The following PER2 variants were observed in gnomAD, a reference collection of about 807,000 sequenced individuals.
PER2 encodes period circadian protein homolog 2.
A neutral mutation model predicts 121.0 loss-of-function variants in PER2; 66 were observed. The ratio of observed to expected loss-of-function variants is 0.55; its 90% CI spans 0.45 to 0.67. The LOEUF (loss-of-function observed/expected upper bound fraction) is 0.67. Ranked by LOEUF, PER2 falls within the 30% of genes least tolerant of loss-of-function variation. The pLI, the probability that PER2 is intolerant of heterozygous loss-of-function variation, is 0.00. For missense variants in PER2, 1,521 were observed against 1,635.0 expected (o/e 0.93, Z 1.20); for synonymous variants, 684 against 659.9 (o/e 1.04, Z -0.56).
At chr2:238,292,178 A>G (rs112345360), upstream of PER2, among the ~76,000 whole-genome samples, 9 of 152,338 alleles carry the variant, frequency 5.9e-5, no homozygotes, top group African/African-American at 1.4e-4. Context: ...AAAAAAGAAG[A>G]AGGCATCTTT....
chr2:238,273,793 T>G (rs35847701), intron 4 of PER2, among the ~76,000 whole-genome samples: 14,132 of 152,138 alleles, frequency 0.093, 713 homozygotes, highest in South Asian at 0.13. Context: ...TCAGCCTTCC[T>G]AGTAGCTGGG....
chr2:238,248,198 G>A (rs1035130363), intron 22 of PER2, among the ~76,000 whole-genome samples: 1 of 152,238 alleles, frequency 6.6e-6, no homozygotes, highest in Non-Finnish European at 1.5e-5. Context: ...ACCAAGGGCA[G>A]CAAGAGCTCC....
Position 238,273,152 on chromosome 2 carries a change from C to A in PER2, c.488G>T (p.Gly163Val). Reference sequence around the variant, plus strand: ...GGGCACGTCTGCTCCACAGGGGTGACCCTCGCTGGACATCAGCAGCTGGTA... The same window carrying A: ...GGGCACGTCTGCTCCACAGGGGTGAACCTCGCTGGACATCAGCAGCTGGTA... Reference protein sequence around the residue: ...EYYQLLMSSEGHPCGADVPSY... With the variant: ...EYYQLLMSSEVHPCGADVPSY... The change falls in exon 5 of 23, where the codon GGT (glycine) becomes GTT (valine). Residue 163 changes from glycine to valine, a missense_variant. By Grantham distance (109) the Gly-to-Val change is moderately radical (BLOSUM62 -3). Coordinates refer to ENST00000254657, the MANE Select transcript of PER2 (RefSeq NM_022817.3). 6.2e-7 allele frequency: 1 copy of A among 1,613,962 alleles called. No homozygotes were observed. Among genetic ancestry groups the A allele is most frequent in the Non-Finnish European group, 8.5e-7 (1 of 1,179,884 alleles).
In PER2 at chr2:238,257,098, G is replaced by T. The variant is rs1213319773; in HGVS notation, c.1901-12C>A. On this transcript the variant is annotated splice_polypyrimidine_tract_variant and intron_variant, in intron 16 of 22. Coordinates refer to ENST00000254657, the MANE Select transcript of PER2 (RefSeq NM_022817.3). ...GGGCGGCTCTGCCTCTTCATGAGAG[G>T]AAGGGGGAACAAACATTAGTGTGTC... 1.2e-6 allele frequency: 2 copies of T among 1,609,450 alleles called. No individual in the cohort carries two copies. Among genetic ancestry groups the T allele is most frequent in the Non-Finnish European group, 8.5e-7 (1 of 1,179,594 alleles).
At chr2:238,255,563 C>A in intron 18 of PER2, 94 bp downstream of exon 18, 1 of 1,261,486 alleles carries the variant, frequency 7.9e-7, no homozygotes, top group Non-Finnish European at 1.2e-6. Context: ...GCTTCTGAAA[C>A]TGGACACATT....
chr2:238,262,814 C>T (rs931257725), intron 10 of PER2, 138 bp downstream of exon 10: 8 of 696,486 alleles, frequency 1.1e-5, no homozygotes, highest in Non-Finnish European at 1.8e-5. Flanking sequence ...AGGAGGGAGG[C>T]GGCGAGGCGG....
intron 15 of PER2, 23 bp downstream of exon 15, chr2:238,258,474 C>T: frequency 1.2e-6 from 2 of 1,613,890 alleles, no homozygotes; most frequent in Non-Finnish European, 1.7e-6. Context: ...ATGGTGGAGA[C>T]TCGGCTGGAA....
At chr2:238,248,711 A>G (rs1695512977) in intron 22 of PER2, among the ~76,000 whole-genome samples, 1 of 147,830 alleles carries the variant, frequency 6.8e-6, no homozygotes, top group Non-Finnish European at 1.5e-5. Flanking sequence ...GCTGGAGTGC[A>G]GTGGTGCCAT....
At chr2:238,286,283 G>A (rs1460717659) in intron 1 of PER2, among the ~76,000 whole-genome samples, 2 of 152,142 alleles carry the variant, frequency 1.3e-5, no homozygotes, top group African/African-American at 4.8e-5. Context: ...CCCAGGAAGA[G>A]CACGAGGAAC....
At chr2:238,298,038 T>C in the PER2 span, among the ~76,000 whole-genome samples, 124 of 150,336 alleles carry the variant, frequency 8.2e-4, no homozygotes, top group Middle Eastern at 3.4e-3. Context: ...GTTCTTTTTT[T>C]TTTTTTTTTT....
the PER2 span, chr2:238,298,618 C>A: frequency 1.3e-5 from 2 of 152,154 alleles, no homozygotes; most frequent in African/African-American, 2.4e-5. Context: ...CACACGAGGC[C>A]CACAAAGCCT....
intron 21 of PER2, 43 bp downstream of exon 21, chr2:238,250,508 C>A (rs761827002): frequency 2.1e-6 from 3 of 1,430,210 alleles, no homozygotes; most frequent in Non-Finnish European, 2.9e-6. Context: ...AGCTCCTGAA[C>A]CCCATCCCTC....
intron 21 of PER2, among the ~76,000 whole-genome samples, chr2:238,249,686 GTGTTGA>G (rs1695546981): frequency 6.6e-6 from 1 of 152,274 alleles, no homozygotes; most frequent in African/African-American, 2.4e-5. Flanking sequence ...TAATACCCAT[GTGTTGA>G]GGGAAGGACC....
Position 238,258,281 on chromosome 2 carries a change from G to T in PER2, c.1895C>A (p.Ala632Asp), listed in dbSNP as rs1231260581. 3.7e-6 allele frequency: 6 copies of T among 1,614,178 alleles called. No homozygotes were observed. The highest frequency in any genetic ancestry group is 3.4e-6 in the Non-Finnish European group (4 of 1,180,016). Residue 632 changes from alanine (A) to aspartate (D), a missense_variant, in exon 16 of 23, where the codon GCT becomes GAT. Physicochemically the swap from Ala to Asp is moderately radical, Grantham distance 126. Coordinates refer to ENST00000254657, the MANE Select transcript of PER2 (RefSeq NM_022817.3). ...GCTCTACACAGATTAGATACCTCCA[G>T]CGTGTGGCCCTGGGCTGACTGTGGC... Reference protein sequence around the residue: ...RKATVSPGPHAGEAEPPSRVN... With the variant: ...RKATVSPGPHDGEAEPPSRVN...
chr2:238,293,183 G>A (rs747751791), upstream of PER2, among the ~76,000 whole-genome samples: 20 of 151,258 alleles, frequency 1.3e-4, no homozygotes, highest in African/African-American at 4.6e-4. Context: ...CCATAGCTTT[G>A]TCTCTGCTAT....
intron 6 of PER2, 63 bp from the exon 7 acceptor site, chr2:238,269,037 C>A: frequency 7.9e-7 from 1 of 1,271,048 alleles, no homozygotes; most frequent in Non-Finnish European, 1.2e-6. Context: ...TTCCTCATTT[C>A]TCACAAACAA....
chr2:238,253,587 T>C lies in PER2; in HGVS notation c.2436A>G (p.Gly812=), dbSNP rs965699654. 1 of 1,609,960 alleles carries C rather than the reference T, an allele frequency of 6.2e-7. No homozygotes were observed. The highest frequency in any genetic ancestry group is 1.3e-5 in the African/African-American group (1 of 74,916). ...VKPRDSSEST[G]SGGPVSARPP... Reference sequence around the variant, plus strand: ...GCCGGGCGGACACGGGCCCCCCAGATCCGGTGCTCTCAGATGAGTCTCGAG... The same window carrying C: ...GCCGGGCGGACACGGGCCCCCCAGACCCGGTGCTCTCAGATGAGTCTCGAG... Residue 812 remains glycine, a synonymous_variant, in exon 19 of 23, where the codon GGA becomes GGG. Coordinates refer to ENST00000254657, the MANE Select transcript of PER2 (RefSeq NM_022817.3). The surrounding 1 kb of genome is among the most constrained non-coding windows in gnomAD (Gnocchi z 5.6).
At chr2:238,280,283 G>C (rs1010177239) in intron 1 of PER2, among the ~76,000 whole-genome samples, 5 of 152,244 alleles carry the variant, frequency 3.3e-5, no homozygotes, top group African/African-American at 1.2e-4. Context: ...CTCCAGGACA[G>C]CCTGGTGAGA....
chr2:238,249,226 T>G lies in PER2; in HGVS notation c.3468-14A>C. On this transcript the variant is annotated splice_polypyrimidine_tract_variant and intron_variant, in intron 21 of 22. Coordinates refer to ENST00000254657, the MANE Select transcript of PER2 (RefSeq NM_022817.3). The stretch of plus-strand genomic sequence containing the variant: ...GCTTCTAAATTTCTTCGCAAGATAT[T>G]TAGAAATCGGTAAGCTTTCAAATGT... 6.2e-7 allele frequency: 1 copy of G among 1,612,152 alleles called. No individual in the cohort carries two copies. Among genetic ancestry groups the G allele is most frequent in the Non-Finnish European group, 8.5e-7 (1 of 1,178,530 alleles).
Sources: gnomAD v4.1 joint callset for allele counts (sites outside exome capture counted in the v4.1 genomes callset) on GRCh38, gnomAD v4.1.1 for gene constraint, Gnocchi (gnomAD v3.1) non-coding constraint, MANE v1.5 for transcripts, NCBI Gene and HGNC (gene_info 2026-07-23, HGNC 2026-07-21) for gene names.